The following SYNE1 variants were observed in gnomAD, a reference collection of about 807,000 sequenced individuals.
SYNE1 encodes nesprin-1.
Under a neutral mutation model 1,111.0 loss-of-function variants are expected in SYNE1, and 616 were observed. That is an observed-to-expected ratio of 0.55 (90% CI 0.52 to 0.59). The LOEUF is 0.59. Ranked by LOEUF, SYNE1 falls within the 20% of genes least tolerant of loss-of-function variation. The pLI, the probability that SYNE1 is intolerant of heterozygous loss-of-function variation, is 0.00. For synonymous variants in SYNE1, 3,855 were observed against 3,825.8 expected, an observed-to-expected ratio of 1.01 and a Z score of -0.28; for missense variants, 10,006 against 10,417.0, an observed-to-expected ratio of 0.96 and a Z score of 1.72.
rs1288711638 is a variant in SYNE1 at position 152,419,823 on chromosome 6, T to C, written c.5268-101A>G. On this transcript the variant is annotated intron_variant, in intron 39 of 145. Transcript: ENST00000367255. ...AGCTTACCCAAGGGCAAAAGCAATG[T>C]TGTCACACATGAACACTCTATACCT... is the stretch of plus-strand genomic sequence containing the variant. 5 of 1,201,054 alleles carry C rather than the reference T, an allele frequency of 4.2e-6. No individual in the cohort carries two copies. The African/African-American group carries it at 6.1e-5, about 15-fold the overall frequency. 74.4% of individuals were successfully genotyped at this position (1,201,054 alleles called of 1,614,324 possible). A position where few individuals can be genotyped will look rare whatever the true frequency, so the allele number is the denominator to read the frequency against.
intron 3 of SYNE1, among the ~76,000 whole-genome samples, chr6:152,623,793 T>A (rs1469662119): frequency 6.6e-6 from 1 of 152,062 alleles, no homozygotes; most frequent in East Asian, 1.9e-4. Context: ...TATAAAAACA[T>A]TTCAATCTTC....
intron 14 of SYNE1, chr6:152,472,759 T>C: frequency 1.6e-6 from 1 of 631,298 alleles, no homozygotes; most frequent in Non-Finnish European, 2.8e-6. Flanking sequence ...TCTGGATATG[T>C]TGGTTTTTAA....
intron 35 of SYNE1, 58 bp from the exon 36 acceptor site, chr6:152,430,268 A>G (rs1194995847): frequency 1.4e-6 from 2 of 1,429,948 alleles, no homozygotes; most frequent in Middle Eastern, 1.8e-4. Context: ...CAAGACAAAA[A>G]AAAAAGTTAC....
At chr6:152,290,640 G>T (rs1267393051) in intron 95 of SYNE1, among the ~76,000 whole-genome samples, 1 of 151,954 alleles carries the variant, frequency 6.6e-6, no homozygotes, top group Non-Finnish European at 1.5e-5. Flanking sequence ...TTAGACAAGT[G>T]TTTAAAGGAA....
chr6:152,262,641 C>A (rs968763400), intron 100 of SYNE1, among the ~76,000 whole-genome samples: 11 of 151,896 alleles, frequency 7.2e-5, no homozygotes, highest in Non-Finnish European at 1.3e-4. Flanking sequence ...AAAGGTAGTA[C>A]AGGACAGAGG....
chr6:152,520,653 A>C (rs2099134507), intron 5 of SYNE1, 111 bp from the exon 6 acceptor site: 1 of 1,212,252 alleles, frequency 8.2e-7, no homozygotes, highest in Non-Finnish European at 1.2e-6. Context: ...ATTCAAAAGC[A>C]ACCAACATTG....
chr6:152,557,148 GAA>G (rs778715851), intron 3 of SYNE1, among the ~76,000 whole-genome samples: 1 of 151,896 alleles, frequency 6.6e-6, no homozygotes, highest in Non-Finnish European at 1.5e-5. Flanking sequence ...TGGAGCTGAC[GAA>G]CACAATAACT....
intron 3 of SYNE1, among the ~76,000 whole-genome samples, chr6:152,610,825 G>C (rs1489531768): frequency 6.6e-6 from 1 of 152,190 alleles, no homozygotes; most frequent in Non-Finnish European, 1.5e-5. Flanking sequence ...CCAGAAGAGA[G>C]TGGGGGCCAA....
At chr6:152,535,607 T>C (rs1196466519) in intron 4 of SYNE1, among the ~76,000 whole-genome samples, 2 of 152,144 alleles carry the variant, frequency 1.3e-5, no homozygotes, top group African/African-American at 4.8e-5. Context: ...TAAGATTGAA[T>C]CAAGGGTGTT....
At position 152,380,088 on chromosome 6, in the gene SYNE1, C is replaced by T. The variant is rs147702162; in HGVS notation, c.9009+918G>A. 7.4e-4 allele frequency among the ~76,000 whole-genome samples: 113 copies of T among 152,224 alleles called. 1 individual carries two copies. In the East Asian group the frequency reaches 0.018, roughly 24 times the overall value. On this transcript the variant is annotated intron_variant, in intron 56 of 145. Transcript: ENST00000367255. The stretch of plus-strand genomic sequence containing the variant: ...GAATAACAAAAACAAACCCCCAAAC[C>T]TAGAATCATTATAAATAGAGTAGCA...
chr6:152,571,070 A>G (rs2099452802), intron 3 of SYNE1, among the ~76,000 whole-genome samples: 1 of 152,152 alleles, frequency 6.6e-6, no homozygotes, highest in South Asian at 2.1e-4. Flanking sequence ...GTCTTTTTTG[A>G]CCTACACAGT....
intron 124 of SYNE1, among the ~76,000 whole-genome samples, chr6:152,209,731 A>G (rs2077177285): frequency 6.6e-6 from 1 of 151,836 alleles, no homozygotes; most frequent in Admixed American, 6.6e-5. Flanking sequence ...GCCTGAGCGA[A>G]AGAGCAAGAC....
At chr6:152,584,709 T>C (rs543238534) in intron 3 of SYNE1, among the ~76,000 whole-genome samples, 1 of 152,332 alleles carries the variant, frequency 6.6e-6, no homozygotes, top group African/African-American at 2.4e-5. Context: ...GGCCTTATAC[T>C]TTTCATATCT....
intron 49 of SYNE1, among the ~76,000 whole-genome samples, chr6:152,397,724 C>T (rs1451305720): frequency 1.3e-5 from 2 of 152,064 alleles, no homozygotes; most frequent in African/African-American, 4.8e-5. Context: ...TTATTTTGGC[C>T]GGGCATGGTG....
intron 133 of SYNE1, 105 bp downstream of exon 133, chr6:152,154,787 G>A: frequency 7.8e-7 from 1 of 1,289,960 alleles, no homozygotes; most frequent in Non-Finnish European, 1.1e-6. Flanking sequence ...AGCAATTTGA[G>A]CAGATAACAT....
chr6:152,249,543 A>C (rs1308878527), intron 104 of SYNE1, among the ~76,000 whole-genome samples: 1 of 152,232 alleles, frequency 6.6e-6, no homozygotes, highest in African/African-American at 2.4e-5. Flanking sequence ...ATCTCATTAC[A>C]TCCGAAATAA....
intron 6 of SYNE1, among the ~76,000 whole-genome samples, chr6:152,513,100 T>G (rs2099093712): frequency 6.6e-6 from 1 of 152,190 alleles, no homozygotes; most frequent in Admixed American, 6.5e-5. Flanking sequence ...GAAAGTGTCT[T>G]AAAACCTTCA....
At chr6:152,327,109 A>G (rs987964253) in intron 78 of SYNE1, among the ~76,000 whole-genome samples, 1 of 152,132 alleles carries the variant, frequency 6.6e-6, no homozygotes, top group Admixed American at 6.5e-5. Context: ...CCTGGCTAAC[A>G]TGGTGAAACC....
intron 74 of SYNE1, among the ~76,000 whole-genome samples, chr6:152,341,788 T>C (rs2096539206): frequency 6.6e-6 from 1 of 152,156 alleles, no homozygotes; most frequent in Non-Finnish European, 1.5e-5. Context: ...AGCAGGAAGT[T>C]GTATAATGAA....
Sources: allele counts gnomAD v4.1 joint callset (sites outside exome capture counted in the v4.1 genomes callset), GRCh38; gene constraint gnomAD v4.1.1; transcripts MANE v1.5; gene names NCBI Gene and HGNC (gene_info 2026-07-23, HGNC 2026-07-21).